IL12RB1: variants seen among roughly 807,000 people sequenced by gnomAD.
IL12RB1 encodes the protein interleukin 12 receptor subunit beta 1, also known as interleukin-12 receptor subunit beta-1.
In IL12RB1, 64 loss-of-function variants were observed where a neutral mutation model predicts 94.4. That is an observed-to-expected ratio of 0.68 (90% CI 0.55 to 0.83). The LOEUF (loss-of-function observed/expected upper bound fraction) is 0.83. IL12RB1 is among the 40% of genes least tolerant of loss of function. The probability of loss-of-function intolerance (pLI) is 0.00; values close to 1 mark genes in which losing one functional copy is unlikely to be tolerated. For synonymous variants in IL12RB1, 362 were observed against 355.5 expected (o/e 1.02, Z -0.21); for missense variants, 814 against 855.6 (o/e 0.95, Z 0.61).
At chr19:18,076,785 CCTT>C (rs1476502988) in intron 5 of IL12RB1, among the ~76,000 whole-genome samples, 1 of 152,054 alleles carries the variant, frequency 6.6e-6, no homozygotes, top group Non-Finnish European at 1.5e-5. Context: ...TAGGTTCAAA[CCTT>C]CTTTAGGAAC....
At chr19:18,068,346 A>G (rs760969127) in intron 11 of IL12RB1, 43 bp downstream of exon 11, 39 of 1,513,180 alleles carry the variant, frequency 2.6e-5, no homozygotes, top group Non-Finnish European at 3.5e-5. Context: ...TAAATTATTT[A>G]AAAAGAAAAA....
At position 18,061,190 on chromosome 19, in the gene IL12RB1, G is replaced by A. The variant is rs1242786208; in HGVS notation, c.1723C>T (p.Arg575Trp). ...LGYLGLNRAA[R>W]HLCPPLPTPC... is the part of the protein sequence containing the mutation. Reference sequence around the variant, plus strand: ...GTGGGCAGCGGCGGGCACAGGTGCCGTGCGGCCCTGGGGAGGAAAGGGGAC... The same window carrying A: ...GTGGGCAGCGGCGGGCACAGGTGCCATGCGGCCCTGGGGAGGAAAGGGGAC... The change falls in exon 15 of 17, where the codon CGG (arginine) becomes TGG (tryptophan). Residue 575 changes from arginine (R) to tryptophan (W), a missense_variant. Transcript: ENST00000593993. 34 of 1,572,244 alleles carry A rather than the reference G, an allele frequency of 2.2e-5. No homozygotes were observed. Among genetic ancestry groups the A allele is most frequent in the Admixed American group, 1.4e-4 (8 of 55,276 alleles).
At chr19:18,088,652 C>T (rs2036492890), upstream of IL12RB1, among the ~76,000 whole-genome samples, 2 of 151,954 alleles carry the variant, frequency 1.3e-5, no homozygotes, top group Admixed American at 1.3e-4. Context: ...TTGTTTCCTG[C>T]CCCTCCCTCC....
At chr19:18,059,868 C>T (rs1438654291) in intron 16 of IL12RB1, 26 bp downstream of exon 16, 3 of 1,403,514 alleles carry the variant, frequency 2.1e-6, no homozygotes, top group South Asian at 1.2e-5. Flanking sequence ...GCACCCCTGA[C>T]CGTCTGGCCC....
intron 5 of IL12RB1, among the ~76,000 whole-genome samples, chr19:18,077,117 C>T (rs2035538133): frequency 1.3e-5 from 2 of 152,238 alleles, no homozygotes; most frequent in African/African-American, 4.8e-5. Flanking sequence ...ATTCCCAGCA[C>T]TTTGGAAGGC....
intron 1 of IL12RB1, among the ~76,000 whole-genome samples, chr19:18,097,225 T>C (rs1392582292): frequency 6.6e-6 from 1 of 152,114 alleles, no homozygotes; most frequent in East Asian, 1.9e-4. Context: ...TCGCCCAGTC[T>C]GGAGTGCAGC....
At chr19:18,071,517 T>G (rs1343503843) in intron 9 of IL12RB1, among the ~76,000 whole-genome samples, 1 of 152,276 alleles carries the variant, frequency 6.6e-6, no homozygotes, top group East Asian at 1.9e-4. Context: ...CCAGGTATGA[T>G]GGCACATGCC....
At chr19:18,097,359 T>C (rs368508348) in intron 1 of IL12RB1, among the ~76,000 whole-genome samples, 2 of 151,940 alleles carry the variant, frequency 1.3e-5, no homozygotes, top group East Asian at 3.9e-4. Context: ...TTTTTTGTTT[T>C]GTTTTGGTTT....
chr19:18,076,044 C>T lies in IL12RB1; in HGVS notation c.581-176G>A, dbSNP rs894370315. On this transcript the variant is annotated intron_variant, in intron 6 of 16. Transcript: ENST00000593993. ...CTCTTAGGGCCTCCAGGATCACCCA[C>T]GTCCATCCCTGCCCCTCAGTTCAAG... Among the ~76,000 whole-genome samples the T allele has an allele frequency of 3.3e-5, 5 of 152,286 alleles. 1 individual carries two copies. Among genetic ancestry groups the T allele is most frequent in the Admixed American group, 1.3e-4 (2 of 15,282 alleles).
chr19:18,095,087 G>A (rs2146614223), intron 1 of IL12RB1, among the ~76,000 whole-genome samples: 1 of 151,502 alleles, frequency 6.6e-6, no homozygotes, highest in African/African-American at 2.4e-5. Context: ...GCTGAGGCAG[G>A]AGAATCAATT....
chr19:18,062,644 C>T (rs184274237), intron 13 of IL12RB1, among the ~76,000 whole-genome samples: 5 of 151,946 alleles, frequency 3.3e-5, no homozygotes, highest in East Asian at 3.9e-4. Context: ...TGGTGGTGTG[C>T]GCCGGTAATC....
intron 11 of IL12RB1, 115 bp downstream of exon 11, chr19:18,068,274 C>A: frequency 1.3e-6 from 1 of 769,744 alleles, no homozygotes; most frequent in Non-Finnish European, 2.0e-6. Flanking sequence ...GATCCACCCA[C>A]CTTGGCCTCC....
intron 15 of IL12RB1, 67 bp from the exon 16 acceptor site, chr19:18,060,152 C>G (rs1870063): frequency 5.9e-6 from 5 of 842,136 alleles, no homozygotes; most frequent in Non-Finnish European, 7.8e-6. Context: ...CAGGATGGAA[C>G]GGACCAGGTC....
chr19:18,064,521 G>A (rs1233193631), intron 12 of IL12RB1, among the ~76,000 whole-genome samples: 1 of 150,356 alleles, frequency 6.7e-6, no homozygotes, highest in Non-Finnish European at 1.5e-5. Flanking sequence ...TGCCCAGGCT[G>A]GAGTGCAGTG....
chr19:18,061,375 C>T (rs1257865454), intron 14 of IL12RB1, among the ~76,000 whole-genome samples, 178 bp from the exon 15 acceptor site: 1 of 152,042 alleles, frequency 6.6e-6, no homozygotes, highest in Non-Finnish European at 1.5e-5. Context: ...AGATTACAAA[C>T]GTGTGCCACC....
At chr19:18,088,643 T>G (rs966475266), upstream of IL12RB1, among the ~76,000 whole-genome samples, 2 of 151,928 alleles carry the variant, frequency 1.3e-5, no homozygotes, top group African/African-American at 2.4e-5. Flanking sequence ...CTGAGTATTT[T>G]GTTTCCTGCC....
intron 1 of IL12RB1, among the ~76,000 whole-genome samples, chr19:18,094,184 A>G (rs576535649): frequency 3.7e-4 from 56 of 152,328 alleles, no homozygotes; most frequent in African/African-American, 1.3e-3. Flanking sequence ...GCTGGAGTGC[A>G]CTGGCACTAT....
At chr19:18,074,977 G>A (rs926966160) in intron 7 of IL12RB1, among the ~76,000 whole-genome samples, 7 of 151,640 alleles carry the variant, frequency 4.6e-5, no homozygotes, top group South Asian at 4.2e-4. Flanking sequence ...GCGTGAACCC[G>A]GGAGGCGGAG....
At chr19:18,061,525 C>G (rs2034126609) in intron 14 of IL12RB1, among the ~76,000 whole-genome samples, 1 of 152,178 alleles carries the variant, frequency 6.6e-6, no homozygotes, top group East Asian at 1.9e-4. Flanking sequence ...CCACCGTGCC[C>G]GGCTTGAAAG....
Sources: gnomAD v4.1 joint callset for allele counts (sites outside exome capture counted in the v4.1 genomes callset) on GRCh38, gnomAD v4.1.1 for gene constraint, MANE v1.5 for transcripts, NCBI Gene and HGNC (gene_info 2026-07-23, HGNC 2026-07-21) for gene names.